The following GALNTL6 variants were observed in gnomAD, a reference collection of about 807,000 sequenced individuals.
GALNTL6 encodes polypeptide N-acetylgalactosaminyltransferase like 6, also known as polypeptide N-acetylgalactosaminyltransferase-like 6.
In GALNTL6, 46 loss-of-function variants were observed where a neutral mutation model predicts 73.7. The ratio of observed to expected loss-of-function variants is 0.62; its 90% CI spans 0.49 to 0.80. The LOEUF (loss-of-function observed/expected upper bound fraction) is 0.80, where lower values mean the gene tolerates loss of function less well. Ranked by LOEUF, GALNTL6 falls within the 30% of genes least tolerant of loss-of-function variation. The pLI, the probability that GALNTL6 is intolerant of heterozygous loss-of-function variation, is 0.00. For synonymous variants in GALNTL6, 259 were observed against 263.7 expected, an observed-to-expected ratio of 0.98 and a Z score of 0.17; for missense variants, 604 against 755.0, an observed-to-expected ratio of 0.80 and a Z score of 2.34.
At chr4:171,897,921 T>C (rs890347731) in intron 2 of GALNTL6, among the ~76,000 whole-genome samples, 1 of 151,074 alleles carries the variant, frequency 6.6e-6, no homozygotes, top group Non-Finnish European at 1.5e-5. Flanking sequence ...AGTGAGACTC[T>C]GTCTCAAAAA....
At chr4:172,917,305 A>G (rs1747574184) in intron 8 of GALNTL6, among the ~76,000 whole-genome samples, 1 of 152,172 alleles carries the variant, frequency 6.6e-6, no homozygotes, top group Non-Finnish European at 1.5e-5. Context: ...CTAGAAGAAA[A>G]CCTAGGAAAT....
At chr4:172,239,384 G>C (rs578067450) in intron 3 of GALNTL6, among the ~76,000 whole-genome samples, 2 of 152,296 alleles carry the variant, frequency 1.3e-5, no homozygotes, top group East Asian at 3.9e-4. Flanking sequence ...TGTGCATAGA[G>C]GTCTTTGTAG....
At chr4:172,013,278 C>T (rs576824924) in intron 2 of GALNTL6, among the ~76,000 whole-genome samples, 3 of 152,102 alleles carry the variant, frequency 2.0e-5, no homozygotes, top group African/African-American at 7.2e-5. Context: ...ACTTACTCCT[C>T]CTATCTATGT....
intron 2 of GALNTL6, among the ~76,000 whole-genome samples, chr4:172,165,805 A>T (rs1734604619): frequency 6.6e-6 from 1 of 152,184 alleles, no homozygotes; most frequent in East Asian, 1.9e-4. Flanking sequence ...TTGCCAACAC[A>T]GATATATTCC....
intron 10 of GALNTL6, among the ~76,000 whole-genome samples, chr4:172,987,578 T>G (rs1192767553): frequency 1.3e-5 from 2 of 152,216 alleles, no homozygotes; most frequent in Non-Finnish European, 2.9e-5. Flanking sequence ...ATTTGTTATA[T>G]GGTGATATGA....
At chr4:172,543,313 A>G (rs1375388784) in intron 5 of GALNTL6, among the ~76,000 whole-genome samples, 1 of 152,202 alleles carries the variant, frequency 6.6e-6, no homozygotes, top group Non-Finnish European at 1.5e-5. Context: ...TTCATCCTAA[A>G]TTTACCTGCT....
At chr4:172,822,207 A>C (rs1579526577) in intron 7 of GALNTL6, among the ~76,000 whole-genome samples, 1 of 152,016 alleles carries the variant, frequency 6.6e-6, no homozygotes, top group Non-Finnish European at 1.5e-5. Context: ...GCTTTTCTTC[A>C]GTTTGTCTTG....
At chr4:172,314,693 C>T (rs530276497) in intron 4 of GALNTL6, among the ~76,000 whole-genome samples, 13 of 149,108 alleles carry the variant, frequency 8.7e-5, no homozygotes, top group Middle Eastern at 3.6e-3. Context: ...CTGCAACCTC[C>T]GCCTCCTGGG....
chr4:172,747,872 T>C (rs552010529), intron 5 of GALNTL6, among the ~76,000 whole-genome samples: 1 of 147,606 alleles, frequency 6.8e-6, no homozygotes, highest in African/African-American at 2.5e-5. Context: ...ATACATGTCA[T>C]CATTTGTGAC....
chr4:172,338,748 G>A (rs1043835679), intron 4 of GALNTL6, among the ~76,000 whole-genome samples: 4 of 152,188 alleles, frequency 2.6e-5, no homozygotes, highest in African/African-American at 9.6e-5. Context: ...GTAGGGGTGA[G>A]CCAAGATGGA....
chr4:173,018,832 G>A (rs1403698564), intron 11 of GALNTL6, among the ~76,000 whole-genome samples: 1 of 152,242 alleles, frequency 6.6e-6, no homozygotes, highest in Non-Finnish European at 1.5e-5. Context: ...CCAGATTGTG[G>A]AGCGTTCCTA....
At chr4:172,166,721 T>C (rs755067914) in intron 2 of GALNTL6, among the ~76,000 whole-genome samples, 4 of 152,226 alleles carry the variant, frequency 2.6e-5, no homozygotes, top group African/African-American at 7.2e-5. Flanking sequence ...AACCAATTGC[T>C]TGTTTATATC....
chr4:171,817,619 T>C lies in GALNTL6; in HGVS notation c.138+2901T>C, dbSNP rs572928774. Among the ~76,000 whole-genome samples the C allele has an allele frequency of 1.3e-4, 19 of 151,902 alleles. No individual in the cohort carries two copies. In the South Asian group the frequency reaches 2.3e-3, roughly 18 times the overall value. On this transcript the variant is annotated intron_variant, in intron 2 of 12. Coordinates refer to ENST00000506823, the MANE Select transcript of GALNTL6 (RefSeq NM_001034845.3). ...GATTACACATTAATTGTTTGTATTTTCTAGACCTTCATTTAAAAATAATAT... is the reference window on the plus strand; with the variant it reads ...GATTACACATTAATTGTTTGTATTTCCTAGACCTTCATTTAAAAATAATAT...
chr4:172,248,807 C>G (rs1168867801), intron 3 of GALNTL6, among the ~76,000 whole-genome samples: 1 of 152,110 alleles, frequency 6.6e-6, no homozygotes, highest in Admixed American at 6.6e-5. Flanking sequence ...CTTCTCTTTC[C>G]TGCCACTATG....
intron 5 of GALNTL6, among the ~76,000 whole-genome samples, chr4:172,425,719 A>G (rs753123915): frequency 1.3e-5 from 2 of 152,124 alleles, no homozygotes; most frequent in Admixed American, 6.6e-5. Flanking sequence ...TTCTGCTTAC[A>G]TCAGAGACCT....
intron 5 of GALNTL6, among the ~76,000 whole-genome samples, chr4:172,743,293 C>T (rs716647): frequency 0.36 from 54,497 of 151,760 alleles, 10,834 homozygotes; most frequent in African/African-American, 0.52. Context: ...TTTATTTTTA[C>T]CCCCTCAGGC....
chr4:172,628,521 C>T (rs140455938), intron 5 of GALNTL6, among the ~76,000 whole-genome samples: 36 of 151,688 alleles, frequency 2.4e-4, no homozygotes, highest in Middle Eastern at 3.6e-3. Context: ...CTCTTGAGCT[C>T]AGGCATTCAA....
chr4:171,915,286 A>G (rs138610132), intron 2 of GALNTL6, among the ~76,000 whole-genome samples: 108 of 152,272 alleles, frequency 7.1e-4, no homozygotes, highest in African/African-American at 2.3e-3. Flanking sequence ...GCCTATGTAA[A>G]TAAATGCATG....
intron 5 of GALNTL6, chr4:172,380,021 G>A (rs1199991941): frequency 8.5e-6 from 8 of 945,272 alleles, no homozygotes; most frequent in Non-Finnish European, 1.7e-6. Flanking sequence ...TTGATGATCG[G>A]ATCAATTTAA....
Sources: allele counts gnomAD v4.1 joint callset (sites outside exome capture counted in the v4.1 genomes callset), GRCh38; gene constraint gnomAD v4.1.1; transcripts MANE v1.5; gene names NCBI Gene and HGNC (gene_info 2026-07-23, HGNC 2026-07-21).